TAFA1: variants seen among roughly 807,000 people sequenced by gnomAD.
The protein encoded by TAFA1 is chemokine-like protein TAFA-1.
TAFA1 carries 4 observed loss-of-function variants against 18.5 expected under a neutral mutation model. The observed-to-expected ratio is 0.22, with a 90% CI of 0.11 to 0.49. The LOEUF (loss-of-function observed/expected upper bound fraction) is 0.49, where lower values mean the gene tolerates loss of function less well. TAFA1 is among the 20% of genes least tolerant of loss of function. The probability of loss-of-function intolerance (pLI) is 0.98; values close to 1 mark genes in which losing one functional copy is unlikely to be tolerated. For missense variants in TAFA1, 147 were observed against 169.0 expected, an observed-to-expected ratio of 0.87 and a Z score of 0.72; for synonymous variants, 56 against 55.2, an observed-to-expected ratio of 1.01 and a Z score of -0.06.
intron 2 of TAFA1, among the ~76,000 whole-genome samples, chr3:68,310,709 T>C (rs1274899998): frequency 4.6e-5 from 7 of 152,202 alleles, no homozygotes; most frequent in Non-Finnish European, 1.5e-5. Flanking sequence ...TCATGCTGTT[T>C]ATATTTGAAA....
At chr3:68,349,617 G>A (rs9839375) in intron 2 of TAFA1, among the ~76,000 whole-genome samples, 5,784 of 152,166 alleles carry the variant, frequency 0.038, 366 homozygotes, top group African/African-American at 0.13. Context: ...GAGCCAGATA[G>A]TAACTATTTT....
In TAFA1 at chr3:68,405,699, C is replaced by CAAAAAAAAAAAAAAAAAAAAAAAAAAAA. The variant is rs56258198; in HGVS notation, c.119-11567_119-11540dup. ...TAGGCAATGGAGTGAGACTCTATCT[C>CAAAAAAAAAAAAAAAAAAAAAAAAAAAA]AAAAAAAAAAAAAAAAAAAAAAAAA... On this transcript the variant is annotated intron_variant, in intron 2 of 4. Transcript: ENST00000478136. Among the ~76,000 whole-genome samples, 4 of 32,888 alleles carry CAAAAAAAAAAAAAAAAAAAAAAAAAAAA rather than the reference C, an allele frequency of 1.2e-4. 1 individual carries two copies. Among genetic ancestry groups the CAAAAAAAAAAAAAAAAAAAAAAAAAAAA allele is most frequent in the Non-Finnish European group, 1.6e-4 (2 of 12,866 alleles). The allele number at this position is 32,888 out of a possible 152,430, so 21.6% of individuals were successfully genotyped here.
intron 3 of TAFA1, among the ~76,000 whole-genome samples, chr3:68,532,241 G>A (rs927103667): frequency 6.6e-6 from 1 of 152,196 alleles, no homozygotes; most frequent in Non-Finnish European, 1.5e-5. Context: ...TTCCCAGGAG[G>A]AGGAGGGGAG....
intron 3 of TAFA1, among the ~76,000 whole-genome samples, chr3:68,531,958 T>C (rs1241792411): frequency 6.6e-6 from 1 of 152,230 alleles, no homozygotes; most frequent in Non-Finnish European, 1.5e-5. Context: ...ATTATCCTTT[T>C]TATTATTGCA....
chr3:68,246,451 G>C (rs1407706426), intron 2 of TAFA1, among the ~76,000 whole-genome samples: 1 of 151,496 alleles, frequency 6.6e-6, no homozygotes, highest in Non-Finnish European at 1.5e-5. Flanking sequence ...TTAGCCGGGC[G>C]TGGTGGCGGG....
chr3:68,188,956 G>A (rs1030351080), intron 2 of TAFA1, among the ~76,000 whole-genome samples: 21 of 151,994 alleles, frequency 1.4e-4, no homozygotes, highest in African/African-American at 4.6e-4. Context: ...CCATGCTTGT[G>A]TCTTCATAGG....
intron 2 of TAFA1, among the ~76,000 whole-genome samples, chr3:68,332,167 A>G (rs568565816): frequency 2.0e-5 from 3 of 151,964 alleles, no homozygotes; most frequent in Admixed American, 1.3e-4. Context: ...CCGGCCAAGG[A>G]TAGTCTTTTC....
intron 3 of TAFA1, among the ~76,000 whole-genome samples, chr3:68,503,565 C>T (rs981823890): frequency 5.9e-5 from 9 of 152,052 alleles, no homozygotes; most frequent in Non-Finnish European, 1.5e-5. Context: ...AAGAGGGTTT[C>T]CTTTTGGGAT....
chr3:68,307,658 T>C (rs1159144761), intron 2 of TAFA1, among the ~76,000 whole-genome samples: 2 of 152,206 alleles, frequency 1.3e-5, no homozygotes, highest in African/African-American at 4.8e-5. Context: ...GTTACTTTCG[T>C]TTAGCTGCAC....
At chr3:68,524,035 A>G (rs1300855080) in intron 3 of TAFA1, among the ~76,000 whole-genome samples, 1 of 152,170 alleles carries the variant, frequency 6.6e-6, no homozygotes, top group African/African-American at 2.4e-5. Context: ...TGTATAACAA[A>G]TCTCCACACA....
the TAFA1 span, among the ~76,000 whole-genome samples, chr3:67,993,198 C>T: frequency 6.6e-6 from 1 of 152,214 alleles, no homozygotes; most frequent in Non-Finnish European, 1.5e-5. Flanking sequence ...TAGCCAATTT[C>T]CCTGGATATT....
intron 2 of TAFA1, among the ~76,000 whole-genome samples, chr3:68,071,694 A>G (rs1169767843): frequency 1.3e-5 from 2 of 152,190 alleles, no homozygotes; most frequent in Non-Finnish European, 2.9e-5. Context: ...AGGCTGGATA[A>G]TTTTTAACGA....
At chr3:68,221,876 A>T (rs899663330) in intron 2 of TAFA1, among the ~76,000 whole-genome samples, 3 of 152,164 alleles carry the variant, frequency 2.0e-5, no homozygotes, top group Non-Finnish European at 4.4e-5. Flanking sequence ...TTGAACACAA[A>T]AATTGGATAC....
chr3:68,444,039 T>G (rs1315688715), intron 3 of TAFA1, among the ~76,000 whole-genome samples: 1 of 152,162 alleles, frequency 6.6e-6, no homozygotes, highest in Non-Finnish European at 1.5e-5. Flanking sequence ...GGAGAAGCCC[T>G]TGGTCCCTTT....
intron 2 of TAFA1, among the ~76,000 whole-genome samples, chr3:68,298,839 C>T (rs1272538643): frequency 1.3e-5 from 2 of 152,108 alleles, no homozygotes; most frequent in African/African-American, 2.4e-5. Flanking sequence ...TATAAATTAC[C>T]CAGTCTCAGA....
intron 2 of TAFA1, among the ~76,000 whole-genome samples, chr3:68,388,229 C>T (rs937003103): frequency 4.0e-5 from 6 of 151,824 alleles, no homozygotes; most frequent in Non-Finnish European, 7.4e-5. Context: ...TGAGTGAACA[C>T]GTTAGTATCA....
chr3:68,129,623 T>C (rs1427650091), intron 2 of TAFA1, among the ~76,000 whole-genome samples: 1 of 152,230 alleles, frequency 6.6e-6, no homozygotes, highest in Non-Finnish European at 1.5e-5. Context: ...CTTCAAAGCA[T>C]GGATAATTAT....
At chr3:68,461,916 T>G (rs2071789665) in intron 3 of TAFA1, among the ~76,000 whole-genome samples, 1 of 152,084 alleles carries the variant, frequency 6.6e-6, no homozygotes, top group Non-Finnish European at 1.5e-5. Flanking sequence ...GGAGCTGTTG[T>G]CTGGGTTGCA....
chr3:68,024,005 TAAG>T (rs1208324469), intron 2 of TAFA1, among the ~76,000 whole-genome samples: 2 of 152,176 alleles, frequency 1.3e-5, no homozygotes, highest in Non-Finnish European at 2.9e-5. Flanking sequence ...TTCCCAGTTT[TAAG>T]AAGAATTGCC....
Sources: allele counts gnomAD v4.1 joint callset (sites outside exome capture counted in the v4.1 genomes callset), GRCh38; gene constraint gnomAD v4.1.1; transcripts MANE v1.5; gene names NCBI Gene and HGNC (gene_info 2026-07-23, HGNC 2026-07-21).